RAB3C: variants seen among roughly 807,000 people sequenced by gnomAD.
The protein encoded by RAB3C is ras-related protein Rab-3C.
In RAB3C, 17 loss-of-function variants were observed where a neutral mutation model predicts 26.4. The ratio of observed to expected loss-of-function variants is 0.64; its 90% CI spans 0.44 to 0.97. The LOEUF is 0.97. RAB3C is among the 50% of genes least tolerant of loss of function. The pLI, the probability that RAB3C is intolerant of heterozygous loss-of-function variation, is 0.00. For synonymous variants in RAB3C, 91 were observed against 95.9 expected (o/e 0.95, Z 0.30); for missense variants, 242 against 281.9 (o/e 0.86, Z 1.01).
At chr5:58,659,256 C>T (rs532032568) in intron 2 of RAB3C, among the ~76,000 whole-genome samples, 3 of 152,096 alleles carry the variant, frequency 2.0e-5, no homozygotes, top group South Asian at 4.2e-4. Flanking sequence ...ATTATATGTC[C>T]AAATTATGTG....
At chr5:58,664,047 T>G (rs1579845268) in intron 2 of RAB3C, among the ~76,000 whole-genome samples, 2 of 152,270 alleles carry the variant, frequency 1.3e-5, no homozygotes, top group East Asian at 3.9e-4. Context: ...ATAAGTTTAT[T>G]TTTCCTAAAA....
intron 3 of RAB3C, among the ~76,000 whole-genome samples, chr5:58,757,051 C>G (rs370249380): frequency 0.013 from 2,014 of 151,816 alleles, 2 homozygotes; most frequent in African/African-American, 0.045. Context: ...CTAATTTACA[C>G]TCCCACCAAC....
intron 2 of RAB3C, among the ~76,000 whole-genome samples, chr5:58,695,375 C>A (rs1263504892): frequency 6.6e-6 from 1 of 152,088 alleles, no homozygotes; most frequent in East Asian, 1.9e-4. Context: ...CAGCTTTGTT[C>A]TTTTTGCTTA....
At chr5:58,634,155 ATTGT>A (rs1444917553) in intron 2 of RAB3C, among the ~76,000 whole-genome samples, 2 of 149,442 alleles carry the variant, frequency 1.3e-5, no homozygotes, top group African/African-American at 2.5e-5. Flanking sequence ...AAAAAAAAAA[ATTGT>A]TTGTTTGTAC....
chr5:58,793,656 T>C (rs2112017388), intron 3 of RAB3C, among the ~76,000 whole-genome samples: 1 of 149,990 alleles, frequency 6.7e-6, no homozygotes, highest in East Asian at 2.0e-4. Context: ...CACATACATA[T>C]AGTTTGTAGT....
chr5:58,828,474 C>T (rs1743538615), intron 4 of RAB3C, among the ~76,000 whole-genome samples: 1 of 152,076 alleles, frequency 6.6e-6, no homozygotes, highest in African/African-American at 2.4e-5. Context: ...CAGTCCACCA[C>T]TCCTCTCTCT....
chr5:58,606,279 G>T (rs71626112), intron 1 of RAB3C, among the ~76,000 whole-genome samples: 21,619 of 152,202 alleles, frequency 0.14, 1,684 homozygotes, highest in Middle Eastern at 0.19. Context: ...CCACACCAAC[G>T]CAGCCTTGCT....
intron 4 of RAB3C, among the ~76,000 whole-genome samples, chr5:58,832,745 C>G (rs1339761767): frequency 2.0e-5 from 3 of 152,180 alleles, no homozygotes; most frequent in African/African-American, 4.8e-5. Flanking sequence ...GTTAGACAAA[C>G]AGGTGATGGT....
At chr5:58,778,114 A>G (rs10805508) in intron 3 of RAB3C, among the ~76,000 whole-genome samples, 120,367 of 152,036 alleles carry the variant, frequency 0.79, 47,865 homozygotes, top group African/African-American at 0.85. Context: ...AAAAAACTTA[A>G]CCCATCATTT....
intron 3 of RAB3C, among the ~76,000 whole-genome samples, chr5:58,797,351 AAAATATGTATATATATAATATAT>A (rs1391442597): frequency 9.1e-5 from 2 of 22,090 alleles, no homozygotes; most frequent in African/African-American, 6.1e-4. Flanking sequence ...AAAAAAAAAA[AAAATATGTATATATATAATATAT>A]ATATATATAT....
chr5:58,585,644 TA>T (rs1467655253), intron 1 of RAB3C, among the ~76,000 whole-genome samples: 1 of 152,100 alleles, frequency 6.6e-6, no homozygotes, highest in Non-Finnish European at 1.5e-5. Flanking sequence ...AGAATCCTTT[TA>T]AAAATCATGT....
At position 58,833,292 on chromosome 5, in the gene RAB3C, G is replaced by A. The variant is rs939064875; in HGVS notation, c.496+8130G>A. 3.4e-5 allele frequency among the ~76,000 whole-genome samples: 5 copies of A among 144,984 alleles called. No homozygotes were observed. In the Admixed American group the frequency reaches 3.5e-4, roughly 10 times the overall value. ...CTGGCTGTACATTCGAACCACCTAG[G>A]TAGCATTTTAAAAACCATGGCACGG... is the stretch of plus-strand genomic sequence containing the variant. On this transcript the variant is annotated intron_variant, in intron 4 of 4. Coordinates refer to ENST00000282878, the MANE Select transcript of RAB3C (RefSeq NM_138453.4).
At chr5:58,732,013 G>A (rs959954734) in intron 3 of RAB3C, among the ~76,000 whole-genome samples, 152 of 152,078 alleles carry the variant, frequency 1.0e-3, no homozygotes, top group African/African-American at 3.4e-3. Flanking sequence ...CCTTCAGACA[G>A]GTGAGTCCAG....
chr5:58,641,270 C>A (rs1019689369), intron 2 of RAB3C, among the ~76,000 whole-genome samples: 3 of 152,192 alleles, frequency 2.0e-5, no homozygotes, highest in Admixed American at 2.0e-4. Context: ...AAGGAACAGG[C>A]TGTTTTCACT....
At chr5:58,647,655 C>A (rs1198908984) in intron 2 of RAB3C, 1 of 152,184 alleles carries the variant, frequency 6.6e-6, no homozygotes, top group Non-Finnish European at 1.5e-5. Flanking sequence ...ACAGTCCGTG[C>A]CTTCAGGCAG....
chr5:58,765,587 A>T (rs1403216429), intron 3 of RAB3C, among the ~76,000 whole-genome samples: 1 of 152,214 alleles, frequency 6.6e-6, no homozygotes, highest in African/African-American at 2.4e-5. Flanking sequence ...GAATCATATT[A>T]AGCATATTGT....
chr5:58,630,099 A>G (rs564579965), intron 2 of RAB3C, among the ~76,000 whole-genome samples: 3 of 152,350 alleles, frequency 2.0e-5, no homozygotes, highest in East Asian at 3.9e-4. Flanking sequence ...GCAGCAAGAG[A>G]GATAGCACAA....
intron 2 of RAB3C, among the ~76,000 whole-genome samples, chr5:58,652,657 C>T (rs1747681752): frequency 6.7e-6 from 1 of 149,240 alleles, no homozygotes; most frequent in South Asian, 2.1e-4. Flanking sequence ...CACATATACA[C>T]ATCTATATAT....
intron 2 of RAB3C, among the ~76,000 whole-genome samples, chr5:58,711,167 A>G (rs1256589479): frequency 2.6e-5 from 4 of 152,190 alleles, no homozygotes; most frequent in African/African-American, 9.7e-5. Context: ...AGAGCATGTG[A>G]ATTCTGGCTG....
Sources: gnomAD v4.1 joint callset for allele counts (sites outside exome capture counted in the v4.1 genomes callset) on GRCh38, gnomAD v4.1.1 for gene constraint, MANE v1.5 for transcripts, NCBI Gene and HGNC (gene_info 2026-07-23, HGNC 2026-07-21) for gene names.